The following FGF1 variants were observed in gnomAD, a reference collection of about 807,000 sequenced individuals.
FGF1 encodes the protein beta-endothelial cell growth factor.
FGF1 carries 9 observed loss-of-function variants against 13.4 expected under a neutral mutation model. That is an observed-to-expected ratio of 0.67 (90% CI 0.40 to 1.17). The LOEUF (loss-of-function observed/expected upper bound fraction) is 1.17. Among genes scored for constraint, FGF1 ranks in the 50% most tolerant of loss-of-function variants. FGF1 has a pLI of 0.01. For missense variants in FGF1, 156 were observed against 192.7 expected (o/e 0.81, Z 1.13); for synonymous variants, 93 against 79.0 (o/e 1.18, Z -0.94).
At chr5:142,599,673 G>C (rs771476132) in intron 3 of FGF1, among the ~76,000 whole-genome samples, 32 of 152,312 alleles carry the variant, frequency 2.1e-4, no homozygotes, top group Middle Eastern at 3.4e-3. Context: ...TCCTGTCACA[G>C]AGATACCAAT....
Position 142,669,036 on chromosome 5 carries a change from G to T in FGF1, c.-35+16921C>A, listed in dbSNP as rs141386894. Among the ~76,000 whole-genome samples the T allele has an allele frequency of 6.1e-3, 936 of 152,358 alleles. 8 individuals are homozygous for T. Among genetic ancestry groups the T allele is most frequent in the African/African-American group, 0.021 (893 of 41,582 alleles). ...AGAGGCCCAGGGGTGGGCAAGTAGA[G>T]GGCATCTTCGCCCAGCATGCATGGC... On this transcript the variant is annotated intron_variant, in intron 1 of 3. Transcript: ENST00000337706.
intron 3 of FGF1, among the ~76,000 whole-genome samples, chr5:142,598,480 A>G (rs1177692024): frequency 2.0e-5 from 3 of 152,146 alleles, no homozygotes; most frequent in African/African-American, 7.2e-5. Flanking sequence ...CCTAAATTAC[A>G]TAGGTGACAT....
At chr5:142,615,031 T>C (rs1759925318) in intron 1 of FGF1, among the ~76,000 whole-genome samples, 1 of 151,380 alleles carries the variant, frequency 6.6e-6, no homozygotes, top group African/African-American at 2.4e-5. Context: ...AGCCACTACA[T>C]ACAAACTTAT....
At chr5:142,689,893 G>A (rs1751886229), upstream of FGF1, among the ~76,000 whole-genome samples, 2 of 150,426 alleles carry the variant, frequency 1.3e-5, no homozygotes, top group South Asian at 4.2e-4. Context: ...AGTAGAGACA[G>A]GGTTTCACCG....
chr5:142,610,453 C>T (rs1334202400), intron 2 of FGF1, among the ~76,000 whole-genome samples: 2 of 152,140 alleles, frequency 1.3e-5, no homozygotes, highest in Non-Finnish European at 2.9e-5. Context: ...GTACGTGAGA[C>T]ACTCCTCAAT....
chr5:142,695,181 C>T lies in FGF1; in HGVS notation c.-35+2441G>A, dbSNP rs767217532. ...AATGGGATAATAGCAGTACTTGCCTCGTAGGGTCATTGTGAGGATTACCTG... is the reference window on the plus strand; with the variant it reads ...AATGGGATAATAGCAGTACTTGCCTTGTAGGGTCATTGTGAGGATTACCTG... On this transcript the variant is annotated intron_variant, in intron 2 of 4. Coordinates refer to the FGF1 transcript ENST00000407758. Among the ~76,000 whole-genome samples the T allele has an allele frequency of 3.3e-5, 5 of 152,250 alleles. No individual in the cohort carries two copies. The East Asian group carries it at 9.6e-4, about 29-fold the overall frequency.
At chr5:142,688,035 ATTATT>A (rs1473653337), upstream of FGF1, among the ~76,000 whole-genome samples, 4 of 152,212 alleles carry the variant, frequency 2.6e-5, no homozygotes, top group East Asian at 5.8e-4. Context: ...AATGCAAGTC[ATTATT>A]TTATTTTATT....
At chr5:142,692,578 T>C (rs997855409) in intron 2 of FGF1, among the ~76,000 whole-genome samples, 1 of 151,928 alleles carries the variant, frequency 6.6e-6, no homozygotes, top group East Asian at 1.9e-4. Flanking sequence ...AAGCAGGTTA[T>C]GAAATATAGA....
chr5:142,607,163 G>A (rs554467690), intron 2 of FGF1, among the ~76,000 whole-genome samples: 18 of 152,260 alleles, frequency 1.2e-4, no homozygotes, highest in African/African-American at 3.9e-4. Flanking sequence ...CTAGACCAGA[G>A]CATAGGCACT....
chr5:142,667,245 C>G (rs1483227250), intron 1 of FGF1, among the ~76,000 whole-genome samples: 1 of 151,530 alleles, frequency 6.6e-6, no homozygotes, highest in Non-Finnish European at 1.5e-5. Context: ...GATCATGCCA[C>G]TGTACTCCAG....
intron 1 of FGF1, among the ~76,000 whole-genome samples, chr5:142,684,483 A>T (rs1008394045): frequency 1.3e-5 from 2 of 152,220 alleles, no homozygotes; most frequent in African/African-American, 4.8e-5. Context: ...ATTTATTCAC[A>T]CTAACAAAGG....
At chr5:142,684,839 A>G (rs11167788) in intron 1 of FGF1, among the ~76,000 whole-genome samples, 41,857 of 152,018 alleles carry the variant, frequency 0.28, 5,852 homozygotes, top group Middle Eastern at 0.31. Flanking sequence ...CGGGATGCTC[A>G]AGTCCTCCCA....
intron 1 of FGF1, among the ~76,000 whole-genome samples, chr5:142,671,584 A>G (rs764637529): frequency 5.9e-5 from 9 of 152,222 alleles, no homozygotes; most frequent in Non-Finnish European, 1.0e-4. Context: ...TTAACACTTA[A>G]GACTTTAACA....
At chr5:142,603,339 T>C (rs539226934) in intron 2 of FGF1, among the ~76,000 whole-genome samples, 1 of 152,056 alleles carries the variant, frequency 6.6e-6, no homozygotes, top group East Asian at 1.9e-4. Flanking sequence ...CTCCCCAGAG[T>C]GTGTGACACT....
intron 2 of FGF1, among the ~76,000 whole-genome samples, chr5:142,691,096 T>G (rs1457952929): frequency 2.0e-5 from 3 of 152,202 alleles, no homozygotes; most frequent in African/African-American, 4.8e-5. Flanking sequence ...TCATACTACT[T>G]ACTACTTTCT....
Position 142,665,688 on chromosome 5 carries a change from G to A in FGF1, c.-35+20269C>T, listed in dbSNP as rs147363202. On this transcript the variant is annotated intron_variant, in intron 1 of 3. Coordinates refer to ENST00000337706, the MANE Select transcript of FGF1 (RefSeq NM_000800.5). ...ACCAATAAAGCTTCATGCTTTTAAC[G>A]TTAATAGCTCACACACTTAGAGCCT... 1.3e-3 allele frequency among the ~76,000 whole-genome samples: 200 copies of A among 152,130 alleles called. 1 individual carries two copies. The highest frequency in any genetic ancestry group is 4.0e-3 in the African/African-American group (164 of 41,480).
At chr5:142,650,399 C>G (rs540869283) in intron 1 of FGF1, among the ~76,000 whole-genome samples, 2 of 152,312 alleles carry the variant, frequency 1.3e-5, no homozygotes, top group South Asian at 2.1e-4. Flanking sequence ...CTGGCCTCAC[C>G]ACTCACTTAG....
intron 1 of FGF1, 45 bp from the exon 2 acceptor site, chr5:142,614,206 G>T (rs1241870574): frequency 6.8e-7 from 1 of 1,473,008 alleles, no homozygotes; most frequent in Middle Eastern, 1.8e-4. Flanking sequence ...TCCAGCAAAG[G>T]CACAAAATGC....
At chr5:142,608,171 T>A (rs1366883123) in intron 2 of FGF1, among the ~76,000 whole-genome samples, 1 of 152,150 alleles carries the variant, frequency 6.6e-6, no homozygotes, top group African/African-American at 2.4e-5. Flanking sequence ...CCACAACTGG[T>A]GCATTCAATG....
Sources: allele counts gnomAD v4.1 joint callset (sites outside exome capture counted in the v4.1 genomes callset), GRCh38; gene constraint gnomAD v4.1.1; transcripts MANE v1.5; gene names NCBI Gene and HGNC (gene_info 2026-07-23, HGNC 2026-07-21).